Variants in THSD4 observed in about 807,000 individuals in gnomAD.
THSD4 encodes the protein thrombospondin type 1 domain containing 4, also known as thrombospondin type-1 domain-containing protein 4.
Under a neutral mutation model 119.0 loss-of-function variants are expected in THSD4, and 69 were observed. The observed-to-expected ratio is 0.58, with a 90% CI of 0.48 to 0.71. The LOEUF is 0.71. Among genes scored for constraint, THSD4 ranks in the 30% least tolerant of loss-of-function variants. The pLI is 0.00. For missense variants in THSD4, 1,393 were observed against 1,391.1 expected, an observed-to-expected ratio of 1.00 and a Z score of -0.02; for synonymous variants, 524 against 540.4, an observed-to-expected ratio of 0.97 and a Z score of 0.42.
intron 6 of THSD4, among the ~76,000 whole-genome samples, chr15:71,288,675 A>C (rs2044751022): frequency 6.6e-6 from 1 of 152,194 alleles, no homozygotes; most frequent in Non-Finnish European, 1.5e-5. Flanking sequence ...TACAGAATAA[A>C]AAGATCCTTT....
intron 11 of THSD4, chr15:71,738,231 A>G (rs2053163734): frequency 5.1e-6 from 3 of 591,272 alleles, no homozygotes; most frequent in Non-Finnish European, 8.9e-6. Context: ...CATGCAACCT[A>G]GATCCCTTGC....
At chr15:71,294,054 T>C (rs2044828825) in intron 6 of THSD4, among the ~76,000 whole-genome samples, 1 of 152,340 alleles carries the variant, frequency 6.6e-6, no homozygotes, top group Non-Finnish European at 1.5e-5. Context: ...TTTCCTGCTT[T>C]AGTCCATTTC....
intron 2 of THSD4, among the ~76,000 whole-genome samples, chr15:71,153,885 T>C (rs2040750213): frequency 6.6e-6 from 1 of 152,194 alleles, no homozygotes; most frequent in African/African-American, 2.4e-5. Flanking sequence ...ACTTTGGGCA[T>C]TTAAATTAAT....
At chr15:71,141,720 T>C (rs2040606686) in intron 2 of THSD4, among the ~76,000 whole-genome samples, 164 bp downstream of exon 2, 1 of 152,246 alleles carries the variant, frequency 6.6e-6, no homozygotes, top group African/African-American at 2.4e-5. Flanking sequence ...CAGAAGGGCC[T>C]CCAAGGCCTT....
At chr15:71,318,103 C>G (rs894896631) in intron 6 of THSD4, among the ~76,000 whole-genome samples, 8 of 152,234 alleles carry the variant, frequency 5.3e-5, no homozygotes, top group African/African-American at 1.9e-4. Context: ...ATTCAGGGAG[C>G]ATGGAGTTAC....
At chr15:71,125,297 T>C (rs2040444480) in intron 1 of THSD4, among the ~76,000 whole-genome samples, 1 of 152,072 alleles carries the variant, frequency 6.6e-6, no homozygotes, top group African/African-American at 2.4e-5. Context: ...TGGAATTTTT[T>C]TATTGTAAAA....
chr15:71,544,714 A>C (rs531844476), intron 7 of THSD4, among the ~76,000 whole-genome samples: 1 of 152,250 alleles, frequency 6.6e-6, no homozygotes, highest in African/African-American at 2.4e-5. Flanking sequence ...AGCCATGGTC[A>C]TAGAAGCATT....
intron 3 of THSD4, among the ~76,000 whole-genome samples, chr15:71,212,133 T>A (rs1271698928): frequency 6.6e-6 from 1 of 152,166 alleles, no homozygotes; most frequent in Non-Finnish European, 1.5e-5. Context: ...CATTTTTTCT[T>A]TGATTGGCTT....
rs965452464 is a variant in THSD4, at chr15:71,604,874, C to G, written c.1153-55656C>G. On this transcript the variant is annotated intron_variant, in intron 7 of 17. Coordinates refer to ENST00000261862, the MANE Select transcript of THSD4 (RefSeq NM_024817.3). ...TAGAATTCTATATCCAGTGAAAATA[C>G]TCTTTATCAACAATGGCAGAAGAAA... Among the ~76,000 whole-genome samples, 4 of 151,086 alleles carry G rather than the reference C, an allele frequency of 2.6e-5. No individual in the cohort carries two copies. In the East Asian group the frequency reaches 5.8e-4, roughly 22 times the overall value.
chr15:71,111,083 G>T (rs909889400), upstream of THSD4: 2 of 1,506,794 alleles, frequency 1.3e-6, no homozygotes, highest in South Asian at 2.6e-5. Context: ...TTGCAAAGAG[G>T]AAAAGGGGAA....
intron 8 of THSD4, among the ~76,000 whole-genome samples, chr15:71,694,122 G>A (rs544707289): frequency 3.5e-4 from 53 of 152,304 alleles, no homozygotes; most frequent in South Asian, 6.2e-4. Context: ...ACCCTTTGGT[G>A]GAAACCATGT....
At chr15:71,763,740 TG>T (rs2053665609) in intron 15 of THSD4, among the ~76,000 whole-genome samples, 1 of 151,688 alleles carries the variant, frequency 6.6e-6, no homozygotes, top group Non-Finnish European at 1.5e-5. Context: ...CCACCGCGCC[TG>T]GCCCCCGTCT....
At chr15:71,560,980 T>C (rs1199119628) in intron 7 of THSD4, among the ~76,000 whole-genome samples, 1 of 148,662 alleles carries the variant, frequency 6.7e-6, no homozygotes, top group East Asian at 2.0e-4. Flanking sequence ...CTTTTTTTTT[T>C]TTTTTTTTTT....
chr15:71,475,963 G>A (rs193069898), intron 7 of THSD4, among the ~76,000 whole-genome samples: 33 of 152,204 alleles, frequency 2.2e-4, no homozygotes, highest in Non-Finnish European at 3.7e-4. Context: ...AAAAGAAGTG[G>A]CTAAGAGATG....
At chr15:71,480,813 T>C (rs112001487) in intron 7 of THSD4, among the ~76,000 whole-genome samples, 13 of 152,326 alleles carry the variant, frequency 8.5e-5, no homozygotes, top group African/African-American at 3.1e-4. Context: ...GCACTGGACC[T>C]GTGAAGAGGA....
intron 2 of THSD4, among the ~76,000 whole-genome samples, chr15:71,144,215 C>G (rs1171274178): frequency 2.0e-5 from 3 of 152,128 alleles, no homozygotes; most frequent in African/African-American, 7.2e-5. Flanking sequence ...CTTGAGATTC[C>G]CATCAAACTC....
rs60080654 is a variant in THSD4 at position 71,634,187 on chromosome 15, CAAAAAAAA to C, written c.1153-26334_1153-26327del. Among the ~76,000 whole-genome samples the C allele has an allele frequency of 2.1e-3, 261 of 126,144 alleles. 1 individual carries two copies. Among genetic ancestry groups the C allele is most frequent in the African/African-American group, 7.9e-3 (255 of 32,436 alleles). The allele number at this position is 126,144 out of a possible 152,430, so 82.8% of individuals were successfully genotyped here. ...GGGCAACAAGAGTGAAACTCCGTCT[CAAAAAAAA>C]AAAAAAAAGAAAAAGAAAAAGAAAT... On this transcript the variant is annotated intron_variant, in intron 7 of 17. Coordinates refer to ENST00000261862, the MANE Select transcript of THSD4 (RefSeq NM_024817.3).
chr15:71,494,606 T>G (rs565365837), intron 7 of THSD4, among the ~76,000 whole-genome samples: 2 of 150,942 alleles, frequency 1.3e-5, no homozygotes, highest in South Asian at 4.2e-4. Context: ...TTCTTGCCCA[T>G]TAGTGAATTT....
intron 1 of THSD4, among the ~76,000 whole-genome samples, chr15:71,106,319 T>G (rs1596201293): frequency 2.0e-5 from 3 of 152,124 alleles, no homozygotes; most frequent in Admixed American, 2.0e-4. Flanking sequence ...CTCCCCACCA[T>G]TCCTGAGTAT....
Sources: gnomAD v4.1 joint callset for allele counts (sites outside exome capture counted in the v4.1 genomes callset) on GRCh38, gnomAD v4.1.1 for gene constraint, MANE v1.5 for transcripts, NCBI Gene and HGNC (gene_info 2026-07-23, HGNC 2026-07-21) for gene names.